The following NPRL3 variants were observed in gnomAD, a reference collection of about 807,000 sequenced individuals.
The protein encoded by NPRL3 is GATOR1 complex protein NPRL3.
Under a neutral mutation model 57.2 loss-of-function variants are expected in NPRL3, and 23 were observed. The observed-to-expected ratio is 0.40, with a 90% confidence interval of 0.29 to 0.57. The LOEUF (loss-of-function observed/expected upper bound fraction) is 0.57, where lower values mean the gene tolerates loss of function less well. NPRL3 is among the 20% of genes least tolerant of loss of function. NPRL3 has a pLI of 0.42. For missense variants in NPRL3, 691 were observed against 767.1 expected, an observed-to-expected ratio of 0.90 and a Z score of 1.17; for synonymous variants, 333 against 321.1, an observed-to-expected ratio of 1.04 and a Z score of -0.39.
At chr16:102,103 A>G (rs1364269600) in intron 7 of NPRL3, among the ~76,000 whole-genome samples, 1 of 152,164 alleles carries the variant, frequency 6.6e-6, no homozygotes, top group Admixed American at 6.5e-5. Context: ...GCCCTGCCCC[A>G]AGAACAGGCT....
intron 7 of NPRL3, among the ~76,000 whole-genome samples, chr16:101,570 T>C (rs1479702084): frequency 1.3e-5 from 2 of 152,180 alleles, no homozygotes; most frequent in Non-Finnish European, 2.9e-5. Flanking sequence ...CTTTAAACCA[T>C]CAGCAAATCC....
At chr16:97,366 C>G (rs759206486) in intron 9 of NPRL3, among the ~76,000 whole-genome samples, 7 of 152,030 alleles carry the variant, frequency 4.6e-5, no homozygotes, top group Admixed American at 3.3e-4. Flanking sequence ...CACCTCATAC[C>G]CCCAAGTAGC....
intron 4 of NPRL3, among the ~76,000 whole-genome samples, chr16:117,762 T>C (rs889724839): frequency 6.6e-6 from 1 of 152,210 alleles, no homozygotes; most frequent in African/African-American, 2.4e-5. Context: ...GACAGGACGA[T>C]GTTCAGGGAC....
chr16:138,165 G>A lies in NPRL3; in HGVS notation c.103C>T (p.Pro35Ser). Residue 35 changes from proline to serine, a missense_variant, in exon 2 of 14, where the codon CCG (proline) becomes TCG (serine). By Grantham distance (74) the Pro-to-Ser change is moderately conservative. Coordinates refer to ENST00000611875, the MANE Select transcript of NPRL3 (RefSeq NM_001077350.3). Reference protein sequence around the residue: ...RYPFQRSQEHPASQTSKPRSR... With the variant: ...RYPFQRSQEHSASQTSKPRSR... ...GCTCACTTACTTGTCTGGGACGCCGGGTGCTCCTGGCTTCTCTGGAAGGGG... is the reference window on the plus strand; with the variant it reads ...GCTCACTTACTTGTCTGGGACGCCGAGTGCTCCTGGCTTCTCTGGAAGGGG... The A allele has an allele frequency of 6.2e-7, 1 of 1,605,034 alleles. No homozygotes were observed. Among genetic ancestry groups the A allele is most frequent in the African/African-American group, 1.3e-5 (1 of 74,706 alleles).
At chr16:90,134 A>G (rs759508523) in intron 11 of NPRL3, 22 of 506,570 alleles carry the variant, frequency 4.3e-5, no homozygotes, top group Non-Finnish European at 7.2e-5. Flanking sequence ...ACACCTGCAC[A>G]GGCTCCCACC....
At position 86,844 on chromosome 16, in the gene NPRL3, TGGC is replaced by T; in HGVS notation, c.1568_1570del (p.Arg523del). The T allele has an allele frequency of 6.2e-7, 1 of 1,613,298 alleles. No individual in the cohort carries two copies. On this transcript the variant is annotated inframe_deletion, in exon 14 of 14. Transcript: ENST00000611875. ...GTTGTACATAATCTCCTCCAGGTGG[TGGC>T]GGCCGCGGAAGTAGTGAAGGAGCCT...
intron 2 of NPRL3, among the ~76,000 whole-genome samples, chr16:132,813 G>A (rs909734108): frequency 2.0e-5 from 3 of 151,688 alleles, no homozygotes; most frequent in African/African-American, 7.2e-5. Context: ...GGGACTACAG[G>A]CGCCCGCCAC....
At chr16:102,146 CG>C (rs1357290366) in intron 7 of NPRL3, among the ~76,000 whole-genome samples, 1 of 152,134 alleles carries the variant, frequency 6.6e-6, no homozygotes, top group Non-Finnish European at 1.5e-5. Flanking sequence ...GTCATCCCCT[CG>C]GGGAACCACA....
intron 9 of NPRL3, 122 bp downstream of exon 9, chr16:98,023 G>T: frequency 8.0e-7 from 1 of 1,247,066 alleles, no homozygotes; most frequent in Non-Finnish European, 1.1e-6. Context: ...CCACCCCATG[G>T]TGGGCTGTGC....
At chr16:100,175 G>C (rs1899216009) in intron 8 of NPRL3, among the ~76,000 whole-genome samples, 197 bp downstream of exon 8, 1 of 151,978 alleles carries the variant, frequency 6.6e-6, no homozygotes, top group Admixed American at 6.6e-5. Context: ...AGAAACCTGG[G>C]ATTGGTCATT....
intron 6 of NPRL3, among the ~76,000 whole-genome samples, chr16:112,308 T>C (rs1169667897): frequency 6.6e-6 from 1 of 152,268 alleles, no homozygotes; most frequent in African/African-American, 2.4e-5. Context: ...GGAGTCTTCC[T>C]GTGCCCCCCA....
chr16:106,931 G>A (rs1364855963), intron 7 of NPRL3, among the ~76,000 whole-genome samples: 2 of 152,146 alleles, frequency 1.3e-5, no homozygotes, highest in Non-Finnish European at 2.9e-5. Flanking sequence ...CAGCCCAGAG[G>A]GGCTCCTGGG....
At position 117,376 on chromosome 16, in the gene NPRL3, C is replaced by T; in HGVS notation, c.319-1G>A. The stretch of plus-strand genomic sequence containing the variant: ...TCGGGGAAGGATCTGTTTTGGAGAT[C>T]TGTAAAAGATGCATAATTCTAATTA... On this transcript the variant is annotated splice_acceptor_variant, in intron 4 of 13. Transcript: ENST00000611875. LOFTEE classifies it high-confidence loss of function. 6.2e-7 allele frequency: 1 copy of T among 1,600,742 alleles called. No homozygotes were observed. The highest frequency in any genetic ancestry group is 8.5e-7 in the Non-Finnish European group (1 of 1,170,036).
intron 13 of NPRL3, 131 bp downstream of exon 13, chr16:88,567 C>A: frequency 1.2e-6 from 1 of 846,646 alleles, no homozygotes; most frequent in Admixed American, 2.4e-5. Flanking sequence ...CACCTGAATG[C>A]AGAGACTCCA....
At chr16:138,055 C>CA in intron 2 of NPRL3, 95 bp downstream of exon 2, 1 of 878,158 alleles carries the variant, frequency 1.1e-6, no homozygotes, top group Non-Finnish European at 1.8e-6. Flanking sequence ...GAATGCCCAG[C>CA]AAAAGCTAAG....
At chr16:109,048 A>G (rs533129249) in intron 7 of NPRL3, among the ~76,000 whole-genome samples, 163 of 150,780 alleles carry the variant, frequency 1.1e-3, no homozygotes, top group African/African-American at 3.7e-3. Context: ...GGCTCACCAT[A>G]ATCTTGATTT....
chr16:116,970 G>A (rs1311305446), intron 5 of NPRL3, among the ~76,000 whole-genome samples: 1 of 39,562 alleles, frequency 2.5e-5, no homozygotes, highest in Admixed American at 2.9e-4. Context: ...GCGAGATTCT[G>A]TCTCAAAAAA....
intron 9 of NPRL3, 63 bp downstream of exon 9, chr16:98,082 G>GC (rs1899098185): frequency 6.4e-7 from 1 of 1,569,562 alleles, no homozygotes; most frequent in African/African-American, 1.3e-5. Flanking sequence ...GTGGCAGGCG[G>GC]CCTGCCTTTC....
In NPRL3 at chr16:89,803, GCTC is replaced by G. The variant is rs765072700; in HGVS notation, c.1258_1260del (p.Glu420del). The stretch of plus-strand genomic sequence containing the variant: ...GGGACGTCGTCCTCTCGCGGACGGG[GCTC>G]CTCCTCGCTGGGTGAGGCCATCAGG... On this transcript the variant is annotated inframe_deletion, in exon 12 of 14. Transcript: ENST00000611875. The G allele has an allele frequency of 1.4e-5, 22 of 1,595,668 alleles. No homozygotes were observed. The highest frequency in any genetic ancestry group is 1.8e-5 in the Non-Finnish European group (21 of 1,172,776).
Sources: gnomAD v4.1 joint callset for allele counts (sites outside exome capture counted in the v4.1 genomes callset) on GRCh38, gnomAD v4.1.1 for gene constraint, MANE v1.5 for transcripts, NCBI Gene and HGNC (gene_info 2026-07-23, HGNC 2026-07-21) for gene names.